The following DENND5B variants were observed in gnomAD, a reference collection of about 807,000 sequenced individuals.
DENND5B encodes the protein DENN domain-containing protein 5B.
In DENND5B, 34 loss-of-function variants were observed where a neutral mutation model predicts 140.6. That is an observed-to-expected ratio of 0.24 (90% CI 0.18 to 0.32). The LOEUF (loss-of-function observed/expected upper bound fraction) is 0.32, where lower values mean the gene tolerates loss of function less well. DENND5B is among the 10% of genes least tolerant of loss of function. The probability of loss-of-function intolerance (pLI) is 1.00; values close to 1 mark genes in which losing one functional copy is unlikely to be tolerated. For missense variants in DENND5B, 1,142 were observed against 1,560.2 expected, an observed-to-expected ratio of 0.73 and a Z score of 4.52; for synonymous variants, 551 against 562.1, an observed-to-expected ratio of 0.98 and a Z score of 0.28.
At chr12:31,552,053 TA>T (rs1015020889) in intron 1 of DENND5B, among the ~76,000 whole-genome samples, 1 of 152,136 alleles carries the variant, frequency 6.6e-6, no homozygotes, top group African/African-American at 2.4e-5. Flanking sequence ...GAATACCCTT[TA>T]TTTCCTTCTC....
At chr12:31,573,525 G>A (rs2139414374) in intron 1 of DENND5B, among the ~76,000 whole-genome samples, 1 of 152,326 alleles carries the variant, frequency 6.6e-6, no homozygotes, top group South Asian at 2.1e-4. Flanking sequence ...ATGGCCTTAT[G>A]TTCACATTCA....
intron 2 of DENND5B, among the ~76,000 whole-genome samples, chr12:31,484,995 A>C (rs1481538455): frequency 6.6e-6 from 1 of 152,192 alleles, no homozygotes; most frequent in Admixed American, 6.5e-5. Flanking sequence ...AGTACTTCCC[A>C]AAGCCAAACT....
At chr12:31,442,632 C>A in intron 7 of DENND5B, 143 bp downstream of exon 7, 1 of 698,850 alleles carries the variant, frequency 1.4e-6, no homozygotes, top group Non-Finnish European at 2.1e-6. Context: ...AAGTGTCAAT[C>A]CATATTTCAA....
chr12:31,462,672 A>C (rs1349452930), intron 3 of DENND5B, among the ~76,000 whole-genome samples: 1 of 152,188 alleles, frequency 6.6e-6, no homozygotes, highest in Non-Finnish European at 1.5e-5. Context: ...ATACAAAAAA[A>C]GGCCGGGCAG....
rs1341229070 is a variant in DENND5B at position 31,415,337 on chromosome 12, C to A, written c.2552+30G>T. 7.1e-6 allele frequency: 11 copies of A among 1,540,052 alleles called. No individual in the cohort carries two copies. In the East Asian group the frequency reaches 2.3e-4, roughly 32 times the overall value. On this transcript the variant is annotated intron_variant, in intron 12 of 20. Coordinates refer to ENST00000389082, the MANE Select transcript of DENND5B (RefSeq NM_144973.4). Reference sequence around the variant, plus strand: ...ACAAAATACTTCAAAGTTATCACCACATGCTAACACATGTATTAATAACAA... The same window carrying A: ...ACAAAATACTTCAAAGTTATCACCAAATGCTAACACATGTATTAATAACAA...
intron 1 of DENND5B, among the ~76,000 whole-genome samples, chr12:31,578,490 T>C (rs552446579): frequency 1.3e-5 from 2 of 152,318 alleles, no homozygotes; most frequent in South Asian, 2.1e-4. Context: ...TAGCATAAAA[T>C]AGATTTCCCA....
rs1944325894 is a variant in DENND5B, at chr12:31,447,541, C to T, written c.1858G>A (p.Ala620Thr). ...TTAAAAGGCATGGCAAATGTACCTGCTTCTTTTAAAGTGCTGCATTTCTGA... is the reference window on the plus strand; with the variant it reads ...TTAAAAGGCATGGCAAATGTACCTGTTTCTTTTAAAGTGCTGCATTTCTGA... ...IYQKCSTLKE[A>T]AQSIEQRLMK... The change falls in exon 6 of 21, where the codon GCA becomes ACA. Residue 620 changes from alanine to threonine, a missense_variant. Physicochemically the swap from Ala to Thr is moderately conservative, Grantham distance 58 (BLOSUM62 0). Around this residue, in one of 5 missense-constraint regions of DENND5B, gnomAD observed 708 missense variants for 905.5 expected, o/e 0.78. Coordinates refer to ENST00000389082, the MANE Select transcript of DENND5B (RefSeq NM_144973.4). 1 of 1,601,806 alleles carries T rather than the reference C, an allele frequency of 6.2e-7. No individual in the cohort carries two copies. Among genetic ancestry groups the T allele is most frequent in the Non-Finnish European group, 8.5e-7 (1 of 1,173,332 alleles).
At chr12:31,457,799 C>T (rs1177584821) in intron 4 of DENND5B, among the ~76,000 whole-genome samples, 1 of 151,856 alleles carries the variant, frequency 6.6e-6, no homozygotes, top group Non-Finnish European at 1.5e-5. Flanking sequence ...CTGCAAACTC[C>T]GCCTCCCGGG....
At chr12:31,580,438 C>G (rs1021420101) in intron 1 of DENND5B, among the ~76,000 whole-genome samples, 2 of 152,082 alleles carry the variant, frequency 1.3e-5, no homozygotes, top group African/African-American at 4.8e-5. Flanking sequence ...TCATCAATCT[C>G]AAGCTTCTCA....
intron 4 of DENND5B, among the ~76,000 whole-genome samples, chr12:31,457,802 C>T (rs1944842124): frequency 6.6e-6 from 1 of 152,060 alleles, no homozygotes; most frequent in Admixed American, 6.6e-5. Context: ...CAAACTCCGC[C>T]TCCCGGGTTC....
At chr12:31,388,099 C>T (rs1026464101) in intron 20 of DENND5B, among the ~76,000 whole-genome samples, 14 of 149,000 alleles carry the variant, frequency 9.4e-5, no homozygotes, top group African/African-American at 3.5e-4. Context: ...GATTTTACCA[C>T]CTTTAGAAAG....
rs1201651094 is a variant in DENND5B at position 31,384,224 on chromosome 12, T to G, written c.*3379A>C. Reference sequence around the variant, plus strand: ...GTTTTTTTGAGATGGGGTTTCCCTATGTTACCCAGGCTGGACTCAAACTCC... The same window carrying G: ...GTTTTTTTGAGATGGGGTTTCCCTAGGTTACCCAGGCTGGACTCAAACTCC... On this transcript the variant is annotated 3_prime_UTR_variant, in exon 21 of 21. Transcript: ENST00000389082. The G allele has an allele frequency of 6.6e-6, 1 of 152,168 alleles. No homozygotes were observed. Among genetic ancestry groups the G allele is most frequent in the African/African-American group, 2.4e-5 (1 of 41,426 alleles). The allele number at this position is 152,168 out of a possible 1,614,324, so 9.4% of individuals were successfully genotyped here.
Position 31,392,694 on chromosome 12 carries a change from G to A in DENND5B, c.3259C>T (p.Pro1087Ser). ...ITSLTGKNNKPNAGQIQEGIG... is the reference protein window; with the variant it reads ...ITSLTGKNNKSNAGQIQEGIG... ...CCTTCTTGTATCTGCCCAGCATTGG[G>A]TTCTGTAAAATAATAAACAGTGGCT... Residue 1087 changes from proline to serine, a missense_variant and splice_region_variant, in exon 18 of 21, where the codon CCC becomes TCC. Coordinates refer to ENST00000389082, the MANE Select transcript of DENND5B (RefSeq NM_144973.4). 1 of 1,554,160 alleles carries A rather than the reference G, an allele frequency of 6.4e-7. No homozygotes were observed. Among genetic ancestry groups the A allele is most frequent in the East Asian group, 2.4e-5 (1 of 41,704 alleles).
chr12:31,490,595 A>C (rs1227680006), intron 2 of DENND5B, among the ~76,000 whole-genome samples: 1 of 147,256 alleles, frequency 6.8e-6, no homozygotes, highest in East Asian at 2.1e-4. Context: ...TGGATGACAG[A>C]GTCAGAACCT....
intron 2 of DENND5B, among the ~76,000 whole-genome samples, chr12:31,490,066 GAGTA>G (rs1386344192): frequency 1.3e-5 from 2 of 152,138 alleles, no homozygotes; most frequent in Non-Finnish European, 2.9e-5. Flanking sequence ...GGGAGAGGGT[GAGTA>G]AGTGAGAACT....
At chr12:31,491,605 T>C (rs1418609375) in intron 2 of DENND5B, among the ~76,000 whole-genome samples, 1 of 152,180 alleles carries the variant, frequency 6.6e-6, no homozygotes, top group Non-Finnish European at 1.5e-5. Context: ...AACATGTCAA[T>C]GTTGACATAT....
At chr12:31,580,717 A>T (rs1950184770) in intron 1 of DENND5B, among the ~76,000 whole-genome samples, 1 of 151,910 alleles carries the variant, frequency 6.6e-6, no homozygotes. Flanking sequence ...ATGCTCACAA[A>T]CTCCTGACTT....
Position 31,392,629 on chromosome 12 carries a change from A to G in DENND5B, c.3324T>C (p.His1108=), listed in dbSNP as rs1941209007. ...CCATAAATACCTCTTTTTCAGGTTTATGAAAATGTTTCACAATATTGTTCA... is the reference window on the plus strand; with the variant it reads ...CCATAAATACCTCTTTTTCAGGTTTGTGAAAATGTTTCACAATATTGTTCA... ...EAVNNIVKHF[H]KPEKERGSLT... is the part of the protein sequence containing the mutation. Residue 1108 remains histidine (H), a synonymous_variant, in exon 18 of 21, where the codon CAT becomes CAC. Transcript: ENST00000389082. The G allele has an allele frequency of 6.4e-7, 1 of 1,557,058 alleles. No homozygotes were observed. Among genetic ancestry groups the G allele is most frequent in the African/African-American group, 1.4e-5 (1 of 73,690 alleles).
chr12:31,535,409 G>GACACACAC (rs969913165), intron 1 of DENND5B, among the ~76,000 whole-genome samples: 1 of 149,954 alleles, frequency 6.7e-6, no homozygotes, highest in African/African-American at 2.4e-5. Flanking sequence ...GAGAGAGAGA[G>GACACACAC]ACACACACAC....
Sources: gnomAD v4.1 joint callset for allele counts (sites outside exome capture counted in the v4.1 genomes callset) on GRCh38, gnomAD v4.1.1 for gene constraint, gnomAD v4.1.1 regional missense constraint, MANE v1.5 for transcripts, NCBI Gene and HGNC (gene_info 2026-07-23, HGNC 2026-07-21) for gene names.